Variants in ZNF723 observed in about 807,000 individuals in gnomAD.
The protein encoded by ZNF723 is zinc finger protein 723.
In ZNF723, 5 loss-of-function variants were observed where a neutral mutation model predicts 9.4. The observed-to-expected ratio is 0.53, with a 90% CI of 0.28 to 1.12. The LOEUF (loss-of-function observed/expected upper bound fraction) is 1.12, where lower values mean the gene tolerates loss of function less well. ZNF723 is among the 50% of genes most tolerant of loss of function. The pLI is 0.10. For missense variants in ZNF723, 450 were observed against 501.5 expected (o/e 0.90, Z 0.98); for synonymous variants, 158 against 168.8 (o/e 0.94, Z 0.49).
chr19:22,822,936 A>G, the ZNF723 span, among the ~76,000 whole-genome samples: 1 of 152,194 alleles, frequency 6.6e-6, no homozygotes, highest in Non-Finnish European at 1.5e-5. Flanking sequence ...CAAATGGAAA[A>G]AGACTTCTGG....
intron 1 of ZNF723, among the ~76,000 whole-genome samples, chr19:22,833,013 G>A (rs1266331866): frequency 6.6e-6 from 1 of 151,724 alleles, no homozygotes. Context: ...GTTTATATTT[G>A]GTTAAGACTG....
chr19:22,850,264 T>G (rs1016267584), intron 3 of ZNF723, among the ~76,000 whole-genome samples: 1 of 152,192 alleles, frequency 6.6e-6, no homozygotes, highest in African/African-American at 2.4e-5. Context: ...TGGAGTGTAA[T>G]GGCACCCTCT....
chr19:22,852,917 C>T (rs1175198252), intron 3 of ZNF723, among the ~76,000 whole-genome samples: 1 of 151,762 alleles, frequency 6.6e-6, no homozygotes, highest in African/African-American at 2.4e-5. Flanking sequence ...ATGACTGGCT[C>T]GTTTCATTTT....
intron 1 of ZNF723, among the ~76,000 whole-genome samples, chr19:22,845,051 G>A (rs10403323): frequency 0.053 from 8,132 of 152,162 alleles, 697 homozygotes; most frequent in African/African-American, 0.18. Flanking sequence ...CCCGGGAGGC[G>A]GAGGTTGCAG....
At chr19:22,853,066 G>C (rs1040582139) in intron 3 of ZNF723, among the ~76,000 whole-genome samples, 3 of 151,476 alleles carry the variant, frequency 2.0e-5, no homozygotes, top group African/African-American at 7.3e-5. Flanking sequence ...ATTGCTTTTA[G>C]TTATTGGCTT....
chr19:22,820,721 G>A, the ZNF723 span, among the ~76,000 whole-genome samples: 30 of 152,266 alleles, frequency 2.0e-4, no homozygotes, highest in African/African-American at 7.0e-4. Context: ...GCAGTTTGAT[G>A]GGACAGAAAG....
chr19:22,855,059 T>A (rs1216536607), intron 3 of ZNF723, among the ~76,000 whole-genome samples: 3 of 151,612 alleles, frequency 2.0e-5, no homozygotes, highest in Admixed American at 6.6e-5. Flanking sequence ...AAAAAAAAAA[T>A]ATTCTTCCTC....
chr19:22,838,849 G>A (rs1967202321), intron 1 of ZNF723, among the ~76,000 whole-genome samples: 1 of 152,146 alleles, frequency 6.6e-6, no homozygotes, highest in Admixed American at 6.5e-5. Context: ...CTGGGTTCAA[G>A]TGATTCTCTT....
intron 1 of ZNF723, among the ~76,000 whole-genome samples, chr19:22,834,583 T>A (rs1414516028): frequency 6.6e-6 from 1 of 152,084 alleles, no homozygotes; most frequent in Non-Finnish European, 1.5e-5. Flanking sequence ...CCTGGGTCGT[T>A]TTCTGCCATA....
At chr19:22,821,515 C>G in the ZNF723 span, among the ~76,000 whole-genome samples, 1 of 151,922 alleles carries the variant, frequency 6.6e-6, no homozygotes, top group South Asian at 2.1e-4. Context: ...CCACAGAAGG[C>G]ACTGTGAAAT....
At chr19:22,845,760 G>T (rs1470183968) in intron 1 of ZNF723, among the ~76,000 whole-genome samples, 2 of 152,110 alleles carry the variant, frequency 1.3e-5, no homozygotes, top group Non-Finnish European at 2.9e-5. Flanking sequence ...CTGTGGGTGT[G>T]GTGGTAGCAG....
chr19:22,832,524 A>G, intron 1 of ZNF723, 142 bp downstream of exon 1: 1 of 968,382 alleles, frequency 1.0e-6, no homozygotes, highest in South Asian at 1.4e-5. Context: ...GGCCTCAGAC[A>G]CCTTCAGCGA....
At chr19:22,850,690 T>C (rs1168927026) in intron 3 of ZNF723, among the ~76,000 whole-genome samples, 1 of 152,108 alleles carries the variant, frequency 6.6e-6, no homozygotes, top group African/African-American at 2.4e-5. Context: ...AATTGTTTAA[T>C]TTATATTTAA....
At chr19:22,836,951 G>A (rs929245446) in intron 1 of ZNF723, among the ~76,000 whole-genome samples, 1 of 152,060 alleles carries the variant, frequency 6.6e-6, no homozygotes, top group African/African-American at 2.4e-5. Flanking sequence ...TCAAGTTATT[G>A]AACTTGAGGG....
At chr19:22,852,437 A>C (rs1259905523) in intron 3 of ZNF723, among the ~76,000 whole-genome samples, 2 of 152,132 alleles carry the variant, frequency 1.3e-5, no homozygotes, top group Non-Finnish European at 2.9e-5. Flanking sequence ...CAATATAGTT[A>C]TGTTTGTTTC....
At chr19:22,837,411 G>T (rs1015914947) in intron 1 of ZNF723, among the ~76,000 whole-genome samples, 4 of 152,156 alleles carry the variant, frequency 2.6e-5, no homozygotes, top group Non-Finnish European at 5.9e-5. Context: ...CTGAACCAAG[G>T]TCTGTGCTGA....
intron 2 of ZNF723, among the ~76,000 whole-genome samples, chr19:22,848,685 G>A (rs1196477479): frequency 6.6e-6 from 1 of 151,940 alleles, no homozygotes; most frequent in East Asian, 1.9e-4. Flanking sequence ...ACATCTAAGT[G>A]TCACCACCAG....
chr19:22,851,634 C>A (rs1047383775), intron 3 of ZNF723, among the ~76,000 whole-genome samples: 1 of 152,118 alleles, frequency 6.6e-6, no homozygotes, highest in South Asian at 2.1e-4. Flanking sequence ...CTAATGCTAT[C>A]GGATTACAGG....
chr19:22,858,334 C>G lies in ZNF723; in HGVS notation c.1443C>G (p.Tyr481Ter). ...TAATTCATGCTAGAGAGAAGCCTTA[C>G]AAATGTGAAGAATGTGGCAAAGCCT... Reference protein sequence around the residue: ...HKIIHAREKPYKCEECGKAFN... With the variant: ...HKIIHAREKP Residue 481 changes from tyrosine (Y) to a stop codon, truncating the protein, a stop_gained, in exon 4 of 4, where the codon TAC (tyrosine) becomes TAG (stop). Coordinates refer to ENST00000600766, the MANE Select transcript of ZNF723 (RefSeq NM_001349726.2). LOFTEE classifies it low-confidence loss of function (END_TRUNC). The G allele has an allele frequency of 2.7e-6, 3 of 1,092,948 alleles. No individual in the cohort carries two copies. Among genetic ancestry groups the G allele is most frequent in the Non-Finnish European group, 4.2e-6 (3 of 718,340 alleles). The allele number at this position is 1,092,948 out of a possible 1,614,324, so 67.7% of individuals were successfully genotyped here.
Sources: gnomAD v4.1 joint callset for allele counts (sites outside exome capture counted in the v4.1 genomes callset) on GRCh38, gnomAD v4.1.1 for gene constraint, MANE v1.5 for transcripts, NCBI Gene and HGNC (gene_info 2026-07-23, HGNC 2026-07-21) for gene names.